C9: variants seen among roughly 807,000 people sequenced by gnomAD.
C9 encodes complement component C9.
A neutral mutation model predicts 65.4 loss-of-function variants in C9; 63 were observed. The observed-to-expected ratio is 0.96, with a 90% CI of 0.79 to 1.19. C9 has a LOEUF of 1.19. Among genes scored for constraint, C9 ranks in the 50% most tolerant of loss-of-function variants. The pLI, the probability that C9 is intolerant of heterozygous loss-of-function variation, is 0.00. For synonymous variants in C9, 229 were observed against 227.9 expected, an observed-to-expected ratio of 1.00 and a Z score of -0.04; for missense variants, 744 against 670.1, an observed-to-expected ratio of 1.11 and a Z score of -1.22.
At chr5:39,349,181 AG>A (rs1314721942) in intron 1 of C9, among the ~76,000 whole-genome samples, 4 of 130,368 alleles carry the variant, frequency 3.1e-5, no homozygotes, top group African/African-American at 7.8e-5. Context: ...TAAACAAAAA[AG>A]GAAAAAAAAA....
intron 1 of C9, among the ~76,000 whole-genome samples, chr5:39,344,770 G>A (rs1309671157): frequency 6.6e-6 from 1 of 152,190 alleles, no homozygotes; most frequent in Non-Finnish European, 1.5e-5. Context: ...GGCAGTCAGA[G>A]AGAAAGGTCA....
chr5:39,325,030 G>A lies in C9; in HGVS notation c.615+6646C>T, dbSNP rs696756. 1.4e-4 allele frequency among the ~76,000 whole-genome samples: 22 copies of A among 152,242 alleles called. 1 individual carries two copies. The South Asian group carries it at 4.2e-3, about 29-fold the overall frequency. On this transcript the variant is annotated intron_variant, in intron 5 of 10. Coordinates refer to ENST00000263408, the MANE Select transcript of C9 (RefSeq NM_001737.5). Reference sequence around the variant, plus strand: ...CACTAAAAATGGAAGAGATAGACACGATCAAGAAATATTTCAGAGTTCAAG... The same window carrying A: ...CACTAAAAATGGAAGAGATAGACACAATCAAGAAATATTTCAGAGTTCAAG...
At chr5:39,316,753 G>T (rs1409768886) in intron 5 of C9, among the ~76,000 whole-genome samples, 1 of 152,120 alleles carries the variant, frequency 6.6e-6, no homozygotes, top group Non-Finnish European at 1.5e-5. Flanking sequence ...ATCATTGATG[G>T]GCGTTTGGGT....
At chr5:39,286,734 G>T (rs926084119) in intron 10 of C9, among the ~76,000 whole-genome samples, 2 of 151,588 alleles carry the variant, frequency 1.3e-5, no homozygotes, top group African/African-American at 2.4e-5. Flanking sequence ...TTTTTGGAAC[G>T]CAAAGCACTA....
intron 4 of C9, among the ~76,000 whole-genome samples, chr5:39,334,555 C>A (rs834524): frequency 7.2e-6 from 1 of 138,168 alleles, no homozygotes; most frequent in African/African-American, 3.4e-5. Flanking sequence ...CCGCCCCGTC[C>A]GGGAGGGAGG....
At chr5:39,310,420 T>C (rs1753460147) in intron 7 of C9, among the ~76,000 whole-genome samples, 1 of 152,198 alleles carries the variant, frequency 6.6e-6, no homozygotes, top group Non-Finnish European at 1.5e-5. Context: ...CTTATTAATA[T>C]AGTCACTTTG....
chr5:39,325,761 G>A (rs1271856056), intron 5 of C9, among the ~76,000 whole-genome samples: 1 of 115,954 alleles, frequency 8.6e-6, no homozygotes, highest in African/African-American at 3.5e-5. Flanking sequence ...AACAGAGCGA[G>A]ACTCCATCTC....
chr5:39,357,312 T>G (rs1027799321), intron 1 of C9, among the ~76,000 whole-genome samples: 1 of 152,226 alleles, frequency 6.6e-6, no homozygotes, highest in Non-Finnish European at 1.5e-5. Flanking sequence ...GCACAGTTTC[T>G]TTAGTTCATG....
At chr5:39,315,754 A>G in intron 6 of C9, 21 bp downstream of exon 6, 1 of 1,543,410 alleles carries the variant, frequency 6.5e-7, no homozygotes, top group African/African-American at 1.4e-5. Context: ...CTATATTCCT[A>G]TATTAACTGT....
At chr5:39,310,357 CCTT>C in intron 7 of C9, among the ~76,000 whole-genome samples, 1 of 152,220 alleles carries the variant, frequency 6.6e-6, no homozygotes, top group African/African-American at 2.4e-5. Flanking sequence ...TCCATCACCT[CCTT>C]AAGGAATATT....
chr5:39,289,167 A>G (rs368036501), intron 9 of C9, among the ~76,000 whole-genome samples: 67 of 151,982 alleles, frequency 4.4e-4, no homozygotes, highest in African/African-American at 1.5e-3. Flanking sequence ...GGAGGCTGAT[A>G]TTAATAAAAT....
chr5:39,288,989 T>C (rs1418167404), intron 9 of C9, 38 bp from the exon 10 acceptor site: 10 of 1,091,406 alleles, frequency 9.2e-6, no homozygotes, highest in Non-Finnish European at 1.4e-5. Context: ...AGGTCCTTTT[T>C]AACTGAGAGA....
intron 4 of C9, among the ~76,000 whole-genome samples, chr5:39,335,123 A>C (rs1753938051): frequency 6.6e-6 from 1 of 152,148 alleles, no homozygotes; most frequent in Non-Finnish European, 1.5e-5. Flanking sequence ...TCTCAGCTAC[A>C]TTTTCTTTAT....
chr5:39,308,945 C>T (rs1464204721), intron 7 of C9, among the ~76,000 whole-genome samples: 2 of 152,096 alleles, frequency 1.3e-5, no homozygotes, highest in Admixed American at 1.3e-4. Flanking sequence ...TCTCCTGATC[C>T]TCTTTGGAAG....
chr5:39,286,410 C>T lies in C9; in HGVS notation c.1646-1177G>A, dbSNP rs907662232. On this transcript the variant is annotated intron_variant, in intron 10 of 10. Coordinates refer to ENST00000263408, the MANE Select transcript of C9 (RefSeq NM_001737.5). ...ATACTGGAACAATTTGAAAGAATTC[C>T]GTGAAGATATATTTAACATGTTGAA... Among the ~76,000 whole-genome samples, 7 of 151,510 alleles carry T rather than the reference C, an allele frequency of 4.6e-5. No individual in the cohort carries two copies. In the East Asian group the frequency reaches 1.2e-3, roughly 25 times the overall value.
intron 4 of C9, among the ~76,000 whole-genome samples, chr5:39,339,609 G>A (rs1490204012): frequency 6.9e-6 from 1 of 144,872 alleles, no homozygotes; most frequent in African/African-American, 2.5e-5. Flanking sequence ...CCCCCTCCAA[G>A]ATGTCACAGC....
chr5:39,298,093 C>T (rs992968603), intron 9 of C9, among the ~76,000 whole-genome samples: 12 of 151,388 alleles, frequency 7.9e-5, no homozygotes, highest in African/African-American at 2.9e-4. Flanking sequence ...AAGAGAAAGT[C>T]ACAAAAAATT....
chr5:39,290,109 G>A (rs911292877), intron 9 of C9, among the ~76,000 whole-genome samples: 2 of 151,900 alleles, frequency 1.3e-5, no homozygotes, highest in East Asian at 1.9e-4. Context: ...GACTATTTCA[G>A]GCATACAGTA....
intron 3 of C9, 97 bp downstream of exon 3, chr5:39,341,459 G>A (rs1754080902): frequency 2.7e-6 from 4 of 1,505,448 alleles, no homozygotes; most frequent in Non-Finnish European, 3.7e-6. Context: ...TTTCACGCTT[G>A]GAAATCCAAG....
Sources: allele counts gnomAD v4.1 joint callset (sites outside exome capture counted in the v4.1 genomes callset), GRCh38; gene constraint gnomAD v4.1.1; transcripts MANE v1.5; gene names NCBI Gene and HGNC (gene_info 2026-07-23, HGNC 2026-07-21).